Variants in MACROD2 observed in about 807,000 individuals in gnomAD.
The protein encoded by MACROD2 is ADP-ribose glycohydrolase MACROD2.
In MACROD2, 36 loss-of-function variants were observed where a neutral mutation model predicts 70.4. The observed-to-expected ratio is 0.51, with a 90% CI of 0.39 to 0.68. The LOEUF (loss-of-function observed/expected upper bound fraction) is 0.68, where lower values mean the gene tolerates loss of function less well. MACROD2 is among the 30% of genes least tolerant of loss of function. The pLI is 0.00. For missense variants in MACROD2, 496 were observed against 538.4 expected, an observed-to-expected ratio of 0.92 and a Z score of 0.78; for synonymous variants, 172 against 178.8, an observed-to-expected ratio of 0.96 and a Z score of 0.30.
intron 13 of MACROD2, among the ~76,000 whole-genome samples, chr20:15,985,347 C>T (rs1364338666): frequency 2.0e-5 from 3 of 152,106 alleles, no homozygotes; most frequent in Non-Finnish European, 4.4e-5. Context: ...ATCCGAGTTC[C>T]AAAAGATTCA....
intron 5 of MACROD2, among the ~76,000 whole-genome samples, chr20:15,160,565 C>G (rs1356178462): frequency 6.6e-6 from 1 of 152,032 alleles, no homozygotes. Context: ...TTAATGACCT[C>G]CTATTCTATG....
At chr20:14,197,683 CT>C (rs1382900995) in intron 3 of MACROD2, among the ~76,000 whole-genome samples, 8 of 151,926 alleles carry the variant, frequency 5.3e-5, no homozygotes, top group Non-Finnish European at 7.4e-5. Context: ...AGGACAATTG[CT>C]TGAACCTGGT....
At chr20:15,573,824 G>T (rs1183706172) in intron 8 of MACROD2, among the ~76,000 whole-genome samples, 3 of 152,020 alleles carry the variant, frequency 2.0e-5, no homozygotes, top group Non-Finnish European at 4.4e-5. Flanking sequence ...TAGCCAAACT[G>T]TAATCATGCC....
chr20:14,772,387 A>C (rs1426594638), intron 5 of MACROD2, among the ~76,000 whole-genome samples: 2 of 152,204 alleles, frequency 1.3e-5, no homozygotes, highest in Admixed American at 6.5e-5. Flanking sequence ...AAAGAGGTTT[A>C]ACTGGACTTA....
intron 12 of MACROD2, among the ~76,000 whole-genome samples, chr20:15,954,957 G>T (rs561875097): frequency 1.3e-5 from 2 of 152,280 alleles, no homozygotes; most frequent in South Asian, 4.1e-4. Flanking sequence ...CTGGCCTGAG[G>T]CCACATAACT....
At chr20:14,732,379 A>G (rs1308343318) in intron 5 of MACROD2, among the ~76,000 whole-genome samples, 1 of 152,138 alleles carries the variant, frequency 6.6e-6, no homozygotes, top group Non-Finnish European at 1.5e-5. Context: ...AAATGTTTTC[A>G]TAACTTCAAC....
intron 10 of MACROD2, among the ~76,000 whole-genome samples, chr20:15,909,890 T>C (rs1280565960): frequency 6.6e-6 from 1 of 152,028 alleles, no homozygotes. Context: ...AAATTACTAA[T>C]GGAAAACAAG....
At chr20:14,441,249 G>T (rs866000759) in intron 3 of MACROD2, among the ~76,000 whole-genome samples, 1 of 152,100 alleles carries the variant, frequency 6.6e-6, no homozygotes, top group Non-Finnish European at 1.5e-5. Context: ...AAGAAGTCTA[G>T]TCCAGCCTCC....
At chr20:15,251,261 G>A (rs770249570) in intron 6 of MACROD2, among the ~76,000 whole-genome samples, 4 of 152,160 alleles carry the variant, frequency 2.6e-5, no homozygotes, top group Non-Finnish European at 5.9e-5. Flanking sequence ...AAGCTGCCAT[G>A]TTTTCATTTG....
chr20:15,508,844 G>A (rs749451300), intron 8 of MACROD2, among the ~76,000 whole-genome samples: 17 of 152,170 alleles, frequency 1.1e-4, no homozygotes, highest in African/African-American at 2.4e-4. Context: ...ATAATTTGAA[G>A]ATGTCCCAGA....
chr20:14,778,162 G>A (rs933016589), intron 5 of MACROD2, among the ~76,000 whole-genome samples: 2 of 152,144 alleles, frequency 1.3e-5, no homozygotes, highest in Admixed American at 6.5e-5. Context: ...TTGAGGTTGA[G>A]CTGATTCCTC....
At chr20:15,657,063 A>T (rs550800291) in intron 8 of MACROD2, among the ~76,000 whole-genome samples, 1 of 152,288 alleles carries the variant, frequency 6.6e-6, no homozygotes, top group South Asian at 2.1e-4. Context: ...GGAAAGAAGA[A>T]TTGCAGGCAA....
chr20:15,541,838 A>T (rs181260608), intron 8 of MACROD2, among the ~76,000 whole-genome samples: 11 of 152,184 alleles, frequency 7.2e-5, no homozygotes, highest in African/African-American at 2.4e-4. Context: ...TCAATAGCCC[A>T]TAACTCCATG....
At chr20:14,664,866 A>G (rs1281060286) in intron 4 of MACROD2, among the ~76,000 whole-genome samples, 1 of 152,140 alleles carries the variant, frequency 6.6e-6, no homozygotes, top group Non-Finnish European at 1.5e-5. Flanking sequence ...TCAAAATAGT[A>G]TTGATGGACA....
At chr20:15,968,086 C>T (rs1040363521) in intron 13 of MACROD2, among the ~76,000 whole-genome samples, 1 of 152,142 alleles carries the variant, frequency 6.6e-6, no homozygotes, top group Non-Finnish European at 1.5e-5. Context: ...TAAACCAGTT[C>T]TTCCACCCAA....
At chr20:14,092,559 TA>T (rs2054164855) in intron 3 of MACROD2, among the ~76,000 whole-genome samples, 1 of 152,240 alleles carries the variant, frequency 6.6e-6, no homozygotes, top group South Asian at 2.1e-4. Flanking sequence ...TTTGGAAACC[TA>T]AATTATCTTT....
chr20:14,790,846 C>T (rs577443776), intron 5 of MACROD2, among the ~76,000 whole-genome samples: 7 of 152,168 alleles, frequency 4.6e-5, no homozygotes, highest in African/African-American at 7.2e-5. Context: ...TTGCCCCCAG[C>T]GGTGTTGCTT....
intron 8 of MACROD2, among the ~76,000 whole-genome samples, chr20:15,507,184 C>G (rs1470422984): frequency 6.6e-6 from 1 of 152,136 alleles, no homozygotes; most frequent in Non-Finnish European, 1.5e-5. Context: ...ACACTGATGA[C>G]TTGCTAACAT....
Position 14,294,317 on chromosome 20 carries a change from A to G in MACROD2, c.272-199162A>G, listed in dbSNP as rs117865358. 5.0e-3 allele frequency among the ~76,000 whole-genome samples: 759 copies of G among 151,040 alleles called. 6 individuals carry two copies. Among genetic ancestry groups the G allele is most frequent in the East Asian group, 9.5e-3 (49 of 5,158 alleles). The stretch of plus-strand genomic sequence containing the variant: ...CTGTTAGGGGATAAATAAAAAGCCT[A>G]CTAGATGAATAGTTTGTAGAATGAT... On this transcript the variant is annotated intron_variant, in intron 3 of 17. Transcript: ENST00000684519.
Sources: gnomAD v4.1 joint callset for allele counts (sites outside exome capture counted in the v4.1 genomes callset) on GRCh38, gnomAD v4.1.1 for gene constraint, MANE v1.5 for transcripts, NCBI Gene and HGNC (gene_info 2026-07-23, HGNC 2026-07-21) for gene names.